The following CASK variants were observed in gnomAD, a reference collection of about 807,000 sequenced individuals.
CASK encodes the protein calcium/calmodulin dependent serine protein kinase.
In CASK, 4 loss-of-function variants were observed where a neutral mutation model predicts 82.9. The observed-to-expected ratio is 0.05, with a 90% CI of 0.02 to 0.11. The LOEUF (loss-of-function observed/expected upper bound fraction) is 0.11. Among genes scored for constraint, CASK ranks in the 10% least tolerant of loss-of-function variants. The pLI is 1.00. For missense variants in CASK, 358 were observed against 720.9 expected (o/e 0.50, Z 5.76); for synonymous variants, 259 against 253.5 (o/e 1.02, Z -0.20).
At chrX:41,612,462 G>A (rs1410399036) in intron 11 of CASK, among the ~76,000 whole-genome samples, 6 of 104,823 alleles carry the variant, frequency 5.7e-5, no homozygotes, top group Non-Finnish European at 7.9e-5. Context: ...CCCTCCGCCC[G>A]GCAGCCACCC....
At chrX:41,556,271 T>C (rs1425610402) in intron 19 of CASK, 1 of 112,729 alleles carries the variant, frequency 8.9e-6, no homozygotes, top group Non-Finnish European at 1.9e-5. Flanking sequence ...GAACTCTCAA[T>C]AATTTTAACT....
At chrX:41,521,382 G>T in intron 26 of CASK, among the ~76,000 whole-genome samples, 1 of 111,801 alleles carries the variant, frequency 8.9e-6, no homozygotes, top group Non-Finnish European at 1.9e-5. Context: ...TATCTCTTAT[G>T]AAAAAAACAG....
At chrX:41,862,643 A>T (rs1006301031) in intron 1 of CASK, among the ~76,000 whole-genome samples, 6 of 110,692 alleles carry the variant, frequency 5.4e-5, no homozygotes, top group Non-Finnish European at 1.1e-4. Context: ...TGGAAAAGGA[A>T]AAGGGGACCA....
At chrX:41,777,216 G>A (rs1282355894) in intron 3 of CASK, among the ~76,000 whole-genome samples, 1 of 111,748 alleles carries the variant, frequency 8.9e-6, no homozygotes, top group Non-Finnish European at 1.9e-5. Flanking sequence ...TTTAGGCCAG[G>A]CGTGGTGGCT....
chrX:41,919,569 AT>A (rs1448537716), intron 1 of CASK, among the ~76,000 whole-genome samples: 15 of 112,626 alleles, frequency 1.3e-4, no homozygotes, highest in Non-Finnish European at 2.4e-4. Context: ...TGATCATGAC[AT>A]AAAAATTAGT....
chrX:41,847,390 T>G (rs1387332234), intron 2 of CASK, among the ~76,000 whole-genome samples: 3 of 111,947 alleles, frequency 2.7e-5, no homozygotes, highest in Non-Finnish European at 5.6e-5. Context: ...TGCTCATATC[T>G]GCTGCTGAGC....
intron 8 of CASK, among the ~76,000 whole-genome samples, chrX:41,649,908 G>T (rs996188922): frequency 3.1e-4 from 35 of 111,245 alleles, no homozygotes; most frequent in Non-Finnish European, 3.6e-4. Flanking sequence ...AGGTCTCTAA[G>T]GACCTGCTTT....
chrX:41,774,017 T>C (rs895232587), intron 3 of CASK, among the ~76,000 whole-genome samples: 1 of 112,085 alleles, frequency 8.9e-6, no homozygotes, highest in Non-Finnish European at 1.9e-5. Flanking sequence ...ATTTTTTATA[T>C]AATAAACTTA....
At position 41,520,562 on chromosome X, in the gene CASK, T is replaced by C. The variant is rs1246778355; in HGVS notation, c.2639A>G (p.Asp880Gly). Reference sequence around the variant, plus strand: ...GTGTGCATATGTTCTCTGTAAGATGTCAGACTCCTTCTGCAGACGCTGAAG... The same window carrying C: ...GTGTGCATATGTTCTCTGTAAGATGCCAGACTCCTTCTGCAGACGCTGAAG... ...ESLQRLQKES[D>G]ILQRTYAHYF... The change falls in exon 27 of 27, where the codon GAC becomes GGC. Residue 880 changes from aspartate to glycine, a missense_variant. Asp to Gly is a moderately conservative substitution (Grantham distance 94). This residue lies in a region of CASK where 118 missense variants were observed against 169.4 expected (regional missense o/e 0.70). Coordinates refer to ENST00000378163, the MANE Select transcript of CASK (RefSeq NM_001367721.1). The C allele has an allele frequency of 8.3e-7, 1 of 1,207,897 alleles. No homozygotes were observed.
At chrX:41,521,367 C>T (rs988062315) in intron 26 of CASK, among the ~76,000 whole-genome samples, 12 of 111,542 alleles carry the variant, frequency 1.1e-4, no homozygotes, top group African/African-American at 3.6e-4. Flanking sequence ...GTTCGTAGGT[C>T]CTCATATCTC....
chrX:41,804,701 C>T (rs1236145356), intron 2 of CASK, among the ~76,000 whole-genome samples: 1 of 111,471 alleles, frequency 9.0e-6, no homozygotes, highest in Non-Finnish European at 1.9e-5. Flanking sequence ...ATTTTACATG[C>T]TACAAATTAT....
chrX:41,602,977 G>A (rs981680645), intron 12 of CASK, among the ~76,000 whole-genome samples: 13 of 111,390 alleles, frequency 1.2e-4, no homozygotes, highest in African/African-American at 4.2e-4. Flanking sequence ...TACAGCCCCA[G>A]GAGGCAAGAA....
Position 41,807,012 on chromosome X carries a change from A to C in CASK, c.173-19729T>G, listed in dbSNP as rs747624355. On this transcript the variant is annotated intron_variant, in intron 2 of 26. Transcript: ENST00000378163. ...AATTAAATCACAATAAAAAACCCCCAAAAATCAAAATAAAACAATCTAAGA... is the reference window on the plus strand; with the variant it reads ...AATTAAATCACAATAAAAAACCCCCCAAAATCAAAATAAAACAATCTAAGA... Among the ~76,000 whole-genome samples the C allele has an allele frequency of 1.7e-4, 19 of 112,025 alleles. No homozygotes were observed. The East Asian group carries it at 2.2e-3, about 13-fold the overall frequency.
chrX:41,713,508 C>T (rs1327398339), intron 5 of CASK, among the ~76,000 whole-genome samples: 1 of 112,132 alleles, frequency 8.9e-6, no homozygotes, highest in African/African-American at 3.2e-5. Context: ...GTGGGACTGG[C>T]TTTATGATGA....
intron 1 of CASK, among the ~76,000 whole-genome samples, chrX:41,909,200 T>C (rs1250433809): frequency 9.0e-6 from 1 of 111,401 alleles, no homozygotes; most frequent in Non-Finnish European, 1.9e-5. Context: ...ATGCTGCTAC[T>C]GGTCAGAAGA....
At chrX:41,715,864 C>T (rs2068054180) in intron 5 of CASK, among the ~76,000 whole-genome samples, 1 of 112,204 alleles carries the variant, frequency 8.9e-6, no homozygotes, top group Non-Finnish European at 1.9e-5. Context: ...GGCTGTGGGG[C>T]AGATTTCCCT....
At chrX:41,867,645 C>A (rs1054236988) in intron 1 of CASK, among the ~76,000 whole-genome samples, 2 of 112,009 alleles carry the variant, frequency 1.8e-5, no homozygotes, top group Admixed American at 9.4e-5. Context: ...TAACTTTTAC[C>A]ATGTAATAAC....
chrX:41,803,238 GAA>G (rs2070041153), intron 2 of CASK, among the ~76,000 whole-genome samples: 1 of 111,008 alleles, frequency 9.0e-6, no homozygotes, highest in Non-Finnish European at 1.9e-5. Flanking sequence ...ATGTACCGAG[GAA>G]AGTTACACAG....
chrX:41,831,648 A>G (rs2070816504), intron 2 of CASK, among the ~76,000 whole-genome samples: 1 of 112,506 alleles, frequency 8.9e-6, no homozygotes, highest in African/African-American at 3.2e-5. Context: ...GAAGAAGTAA[A>G]CAATTGAGAT....
Sources: allele counts gnomAD v4.1 joint callset (sites outside exome capture counted in the v4.1 genomes callset), GRCh38; gene constraint gnomAD v4.1.1; regional missense constraint gnomAD v4.1.1; transcripts MANE v1.5; gene names NCBI Gene and HGNC (gene_info 2026-07-23, HGNC 2026-07-21).